Variants in RIMS1 observed in about 807,000 individuals in gnomAD.
The protein encoded by RIMS1 is regulating synaptic membrane exocytosis protein 1.
In RIMS1, 83 loss-of-function variants were observed where a neutral mutation model predicts 214.1. The observed-to-expected ratio is 0.39, with a 90% CI of 0.32 to 0.47. The LOEUF (loss-of-function observed/expected upper bound fraction) is 0.47. Among genes scored for constraint, RIMS1 ranks in the 20% least tolerant of loss-of-function variants. The pLI is 0.99. For synonymous variants in RIMS1, 793 were observed against 786.8 expected (o/e 1.01, Z -0.13); for missense variants, 2,050 against 2,161.8 (o/e 0.95, Z 1.03).
Position 72,265,508 on chromosome 6 carries a change from G to C in RIMS1, c.3308+5G>C, listed in dbSNP as rs752372902. 8.1e-6 allele frequency: 12 copies of C among 1,478,592 alleles called. No individual in the cohort carries two copies. Among genetic ancestry groups the C allele is most frequent in the Admixed American group, 1.7e-5 (1 of 58,096 alleles). 91.6% of individuals were successfully genotyped at this position (1,478,592 alleles called of 1,614,324 possible). Reference sequence around the variant, plus strand: ...TACTGATGAAATACTGGTTAGGTAAGAACATTTGGAAGTGATATCTTCCGT... The same window carrying C: ...TACTGATGAAATACTGGTTAGGTAACAACATTTGGAAGTGATATCTTCCGT... On this transcript the variant is annotated splice_donor_5th_base_variant and intron_variant, in intron 21 of 33. Transcript: ENST00000521978.
chr6:71,923,995 C>T (rs896336902), intron 1 of RIMS1, among the ~76,000 whole-genome samples: 1 of 152,228 alleles, frequency 6.6e-6, no homozygotes, highest in African/African-American at 2.4e-5. Context: ...TACATTTTCC[C>T]TGAAAGATCT....
chr6:72,060,126 A>T (rs1031907577), intron 2 of RIMS1, among the ~76,000 whole-genome samples: 1 of 151,004 alleles, frequency 6.6e-6, no homozygotes, highest in Non-Finnish European at 1.5e-5. Context: ...TATTATTATT[A>T]TTATTTATTT....
chr6:72,392,579 C>A (rs560980396), intron 30 of RIMS1, 119 bp from the exon 31 acceptor site: 2 of 766,502 alleles, frequency 2.6e-6, no homozygotes, highest in Non-Finnish European at 2.3e-6. Flanking sequence ...ATTAAAAAAA[C>A]AGATTGTCTA....
At chr6:72,328,010 T>C (rs566774556) in intron 28 of RIMS1, among the ~76,000 whole-genome samples, 1 of 152,014 alleles carries the variant, frequency 6.6e-6, no homozygotes, top group South Asian at 2.1e-4. Flanking sequence ...TGCACAAGTA[T>C]GTTTATTACA....
At chr6:72,373,957 C>T (rs966346127) in intron 29 of RIMS1, among the ~76,000 whole-genome samples, 2 of 151,922 alleles carry the variant, frequency 1.3e-5, no homozygotes, top group Non-Finnish European at 2.9e-5. Flanking sequence ...ACTCTGTCAC[C>T]AGGCTGGAGT....
At chr6:72,383,767 T>G (rs746245738) in intron 29 of RIMS1, among the ~76,000 whole-genome samples, 68 of 152,000 alleles carry the variant, frequency 4.5e-4, no homozygotes, top group Non-Finnish European at 8.1e-4. Context: ...TCCAGCCTAG[T>G]GATGGCATAA....
At chr6:72,294,314 A>G (rs1260903368) in intron 26 of RIMS1, among the ~76,000 whole-genome samples, 4 of 151,716 alleles carry the variant, frequency 2.6e-5, no homozygotes, top group Non-Finnish European at 5.9e-5. Context: ...CCATTTTATT[A>G]TTTTGAAATT....
intron 24 of RIMS1, among the ~76,000 whole-genome samples, chr6:72,285,457 TGAG>T (rs2091961587): frequency 6.6e-6 from 1 of 152,184 alleles, no homozygotes; most frequent in South Asian, 2.1e-4. Context: ...AACACTGAGT[TGAG>T]ATCTGAAAAA....
At chr6:72,207,973 CTT>C (rs1055590551) in intron 6 of RIMS1, among the ~76,000 whole-genome samples, 3 of 152,238 alleles carry the variant, frequency 2.0e-5, no homozygotes, top group East Asian at 1.9e-4. Flanking sequence ...TAAATCAAGA[CTT>C]ATAATGGTTG....
At chr6:71,901,608 T>A (rs1373117922) in intron 1 of RIMS1, among the ~76,000 whole-genome samples, 1 of 152,042 alleles carries the variant, frequency 6.6e-6, no homozygotes, top group South Asian at 2.1e-4. Context: ...TAGGCTCCTC[T>A]ATGGTGGCAA....
At position 71,899,806 on chromosome 6, in the gene RIMS1, T is replaced by A. The variant is rs928191811; in HGVS notation, c.164+12619T>A. Among the ~76,000 whole-genome samples, 3 of 152,106 alleles carry A rather than the reference T, an allele frequency of 2.0e-5. No homozygotes were observed. In the South Asian group the frequency reaches 6.2e-4, roughly 31 times the overall value. On this transcript the variant is annotated intron_variant, in intron 1 of 33. Transcript: ENST00000521978. ...ACAGTTGGCCCAAGGCCAGGTAATTTATCGACTGGCCAAATACTAATGAGA... is the reference window on the plus strand; with the variant it reads ...ACAGTTGGCCCAAGGCCAGGTAATTAATCGACTGGCCAAATACTAATGAGA...
intron 4 of RIMS1, among the ~76,000 whole-genome samples, chr6:72,119,969 C>A (rs1209895715): frequency 1.3e-5 from 2 of 151,772 alleles, no homozygotes; most frequent in East Asian, 3.9e-4. Context: ...CATGTCCCTA[C>A]AAAGGACATG....
chr6:72,136,274 C>T (rs1173439679), intron 4 of RIMS1, among the ~76,000 whole-genome samples: 2 of 151,684 alleles, frequency 1.3e-5, no homozygotes, highest in Non-Finnish European at 2.9e-5. Context: ...AGAAAATAAT[C>T]GAGAACATAA....
chr6:72,337,407 T>A (rs1230591602), intron 29 of RIMS1, among the ~76,000 whole-genome samples: 1 of 151,836 alleles, frequency 6.6e-6, no homozygotes, highest in Non-Finnish European at 1.5e-5. Context: ...CTAATCAGTA[T>A]CATAAGAATG....
At chr6:72,359,235 A>G (rs1431172069) in intron 29 of RIMS1, among the ~76,000 whole-genome samples, 1 of 152,190 alleles carries the variant, frequency 6.6e-6, no homozygotes, top group Non-Finnish European at 1.5e-5. Flanking sequence ...CAATCTCCAG[A>G]AAGAATTCTT....
chr6:72,003,429 A>G (rs775303134), intron 2 of RIMS1, among the ~76,000 whole-genome samples: 5 of 151,578 alleles, frequency 3.3e-5, no homozygotes, highest in African/African-American at 4.9e-5. Context: ...GTGGATGAAT[A>G]CATGAATGAA....
Position 71,961,693 on chromosome 6 carries a change from T to C in RIMS1, c.165-7290T>C, listed in dbSNP as rs573054607. 2.0e-5 allele frequency among the ~76,000 whole-genome samples: 3 copies of C among 152,198 alleles called. No individual in the cohort carries two copies. In the East Asian group the frequency reaches 5.8e-4, roughly 29 times the overall value. On this transcript the variant is annotated intron_variant, in intron 1 of 33. Transcript: ENST00000521978. ...TCCCTCTGATACACTGACTATTGCT[T>C]CCTCTTCTAGAAATTCCTTACTTCT...
chr6:72,279,879 A>G (rs1302658947), intron 23 of RIMS1, among the ~76,000 whole-genome samples: 1 of 151,924 alleles, frequency 6.6e-6, no homozygotes, highest in African/African-American at 2.4e-5. Flanking sequence ...TTAATGTCCT[A>G]TAGACTCTAA....
intron 1 of RIMS1, among the ~76,000 whole-genome samples, chr6:71,932,137 A>G (rs1365321005): frequency 6.6e-6 from 1 of 152,156 alleles, no homozygotes; most frequent in East Asian, 1.9e-4. Context: ...GTATATACCC[A>G]AAGGAATATA....
Sources: gnomAD v4.1 joint callset for allele counts (sites outside exome capture counted in the v4.1 genomes callset) on GRCh38, gnomAD v4.1.1 for gene constraint, MANE v1.5 for transcripts, NCBI Gene and HGNC (gene_info 2026-07-23, HGNC 2026-07-21) for gene names.